RANBP2: variants seen among roughly 807,000 people sequenced by gnomAD.
RANBP2 encodes the protein E3 SUMO-protein ligase RanBP2.
Under a neutral mutation model 303.6 loss-of-function variants are expected in RANBP2, and 57 were observed. The observed-to-expected ratio is 0.19, with a 90% CI of 0.15 to 0.23. The LOEUF (loss-of-function observed/expected upper bound fraction) is 0.23, where lower values mean the gene tolerates loss of function less well. Ranked by LOEUF, RANBP2 falls within the 10% of genes least tolerant of loss-of-function variation. The pLI is 1.00. For synonymous variants in RANBP2, 1,167 were observed against 1,301.5 expected (o/e 0.90, Z 2.23); for missense variants, 3,138 against 3,780.8 (o/e 0.83, Z 4.46).
the RANBP2 span, among the ~76,000 whole-genome samples, chr2:109,368,998 G>A: frequency 3.3e-5 from 5 of 152,140 alleles, no homozygotes; most frequent in South Asian, 6.2e-4. Context: ...TTCTGTGGGC[G>A]CCTCCCCCAA....
At chr2:109,006,266 T>C in the RANBP2 span, among the ~76,000 whole-genome samples, 1 of 152,152 alleles carries the variant, frequency 6.6e-6, no homozygotes, top group African/African-American at 2.4e-5. Context: ...CGATCTCGGC[T>C]CGCTGCAACC....
the RANBP2 span, among the ~76,000 whole-genome samples, chr2:109,173,583 C>A: frequency 6.6e-6 from 1 of 152,146 alleles, no homozygotes; most frequent in Non-Finnish European, 1.5e-5. Context: ...GCGGGGAAGG[C>A]CACACAGACC....
the RANBP2 span, among the ~76,000 whole-genome samples, chr2:108,792,719 C>G: frequency 6.6e-6 from 1 of 152,146 alleles, no homozygotes; most frequent in Non-Finnish European, 1.5e-5. Flanking sequence ...GGAAGACACA[C>G]CCCCCTCCTT....
chr2:109,110,158 T>C, the RANBP2 span, among the ~76,000 whole-genome samples: 4 of 152,208 alleles, frequency 2.6e-5, no homozygotes, highest in Non-Finnish European at 5.9e-5. Context: ...TGCAATGGCA[T>C]GTAGCAAATT....
the RANBP2 span, among the ~76,000 whole-genome samples, chr2:109,035,513 G>A: frequency 2.7e-5 from 4 of 149,754 alleles, no homozygotes; most frequent in South Asian, 8.6e-4. Context: ...CCCTGGATGA[G>A]GCACTGCAGA....
the RANBP2 span, among the ~76,000 whole-genome samples, chr2:109,131,533 G>A: frequency 6.6e-6 from 1 of 152,122 alleles, no homozygotes; most frequent in African/African-American, 2.4e-5. Flanking sequence ...GTAAAACGCT[G>A]GGACATTCTG....
At chr2:109,302,747 C>T in the RANBP2 span, among the ~76,000 whole-genome samples, 1 of 133,694 alleles carries the variant, frequency 7.5e-6, no homozygotes, top group Non-Finnish European at 1.5e-5. Flanking sequence ...TTCCTGTTTT[C>T]AGACACGACA....
chr2:108,999,216 A>G, the RANBP2 span, among the ~76,000 whole-genome samples: 1 of 152,170 alleles, frequency 6.6e-6, no homozygotes, highest in Non-Finnish European at 1.5e-5. Context: ...GAAAAGTGGG[A>G]AAAATAACAG....
chr2:109,319,693 A>C, the RANBP2 span, among the ~76,000 whole-genome samples: 1 of 152,170 alleles, frequency 6.6e-6, no homozygotes, highest in African/African-American at 2.4e-5. Context: ...GATCTTGAAG[A>C]GTGCCGTGCC....
At chr2:109,148,222 G>A in the RANBP2 span, among the ~76,000 whole-genome samples, 3 of 152,288 alleles carry the variant, frequency 2.0e-5, no homozygotes, top group African/African-American at 7.2e-5. Context: ...AGGCAAATTG[G>A]GTACCTTCTG....
chr2:108,996,711 T>C, the RANBP2 span, among the ~76,000 whole-genome samples: 2 of 151,850 alleles, frequency 1.3e-5, no homozygotes, highest in East Asian at 3.9e-4. Flanking sequence ...AGGCCAACAG[T>C]GTGGCAGTAA....
At chr2:109,406,259 C>T in the RANBP2 span, among the ~76,000 whole-genome samples, 2 of 152,006 alleles carry the variant, frequency 1.3e-5, no homozygotes, top group African/African-American at 4.8e-5. Context: ...AGGCCAACTC[C>T]ACTATGACAC....
chr2:108,750,436 T>C (rs1020076240), intron 9 of RANBP2, among the ~76,000 whole-genome samples: 4 of 152,246 alleles, frequency 2.6e-5, no homozygotes, highest in Non-Finnish European at 5.9e-5. Context: ...CATTGCAAGT[T>C]ATTTCCATAG....
At chr2:109,393,823 T>A in the RANBP2 span, among the ~76,000 whole-genome samples, 1 of 152,086 alleles carries the variant, frequency 6.6e-6, no homozygotes, top group Non-Finnish European at 1.5e-5. Flanking sequence ...ACTGCTCTTC[T>A]TTTCATGTTA....
the RANBP2 span, among the ~76,000 whole-genome samples, chr2:108,888,662 T>G: frequency 6.6e-6 from 1 of 152,094 alleles, no homozygotes; most frequent in Non-Finnish European, 1.5e-5. Context: ...TTGTAATATC[T>G]TCTTTTTCAT....
the RANBP2 span, among the ~76,000 whole-genome samples, chr2:109,224,572 A>G: frequency 7.3e-4 from 111 of 152,226 alleles, no homozygotes; most frequent in Non-Finnish European, 1.2e-3. Flanking sequence ...TTAAAATTTC[A>G]TTTTGCCAGG....
At chr2:109,130,054 G>T in the RANBP2 span, 1 of 1,368,172 alleles carries the variant, frequency 7.3e-7, no homozygotes, top group South Asian at 1.7e-5. Flanking sequence ...CGCGGCCGCG[G>T]GCAGCACCGC....
chr2:108,841,474 C>A, the RANBP2 span, among the ~76,000 whole-genome samples: 2 of 151,690 alleles, frequency 1.3e-5, no homozygotes, highest in African/African-American at 4.8e-5. Flanking sequence ...GGTGGATTTG[C>A]CCTTTTTATC....
At chr2:109,095,316 C>A in the RANBP2 span, among the ~76,000 whole-genome samples, 4 of 152,100 alleles carry the variant, frequency 2.6e-5, no homozygotes, top group Non-Finnish European at 4.4e-5. Flanking sequence ...AACATATAAT[C>A]GAGACTACTG....
Sources: allele counts gnomAD v4.1 joint callset (sites outside exome capture counted in the v4.1 genomes callset), GRCh38; gene constraint gnomAD v4.1.1; transcripts MANE v1.5; gene names NCBI Gene and HGNC (gene_info 2026-07-23, HGNC 2026-07-21).